Variants in MBD5 observed in about 807,000 individuals in gnomAD.
MBD5 encodes the protein methyl-CpG binding domain protein 5.
A neutral mutation model predicts 117.3 loss-of-function variants in MBD5; 13 were observed. The ratio of observed to expected loss-of-function variants is 0.11; its 90% CI spans 0.07 to 0.18. The LOEUF is 0.18. Among genes scored for constraint, MBD5 ranks in the 10% least tolerant of loss-of-function variants. The probability of loss-of-function intolerance (pLI) is 1.00; values close to 1 mark genes in which losing one functional copy is unlikely to be tolerated. For missense variants in MBD5, 1,879 were observed against 2,093.8 expected (o/e 0.90, Z 2.00); for synonymous variants, 727 against 766.4 (o/e 0.95, Z 0.85).
rs771213286 is a variant in MBD5 at position 148,468,967 on chromosome 2, C to T, written c.1024C>T (p.Pro342Ser). 6.8e-6 allele frequency: 11 copies of T among 1,613,826 alleles called. No homozygotes were observed. Among genetic ancestry groups the T allele is most frequent in the South Asian group, 5.5e-5 (5 of 91,080 alleles). Reference sequence around the variant, plus strand: ...CCAAGGCCCACCTCCCCCTCCTCCACCTTCTTGTGCTCTTCAGAAAAAGCC... The same window carrying T: ...CCAAGGCCCACCTCCCCCTCCTCCATCTTCTTGTGCTCTTCAGAAAAAGCC... Reference protein sequence around the residue: ...PPQGPPPPPPPSCALQKKPLT... With the variant: ...PPQGPPPPPPSSCALQKKPLT... The change falls in exon 8 of 14, where the codon CCT (proline) becomes TCT (serine). Residue 342 changes from proline to serine, a missense_variant. Pro to Ser is a moderately conservative substitution (Grantham distance 74). Transcript: ENST00000642680.
chr2:148,358,819 T>C (rs1174092759), intron 4 of MBD5, among the ~76,000 whole-genome samples: 1 of 151,948 alleles, frequency 6.6e-6, no homozygotes, highest in Admixed American at 6.6e-5. Flanking sequence ...AAATATAATT[T>C]ATTCTCCAGG....
At chr2:148,183,522 TA>T (rs34261911) in intron 2 of MBD5, among the ~76,000 whole-genome samples, 5 of 150,210 alleles carry the variant, frequency 3.3e-5, no homozygotes, top group African/African-American at 4.9e-5. Flanking sequence ...CTTTTATTAC[TA>T]AAAAAAAAAT....
chr2:148,330,545 C>G (rs956357473), intron 3 of MBD5: 6 of 152,114 alleles, frequency 3.9e-5, no homozygotes, highest in Admixed American at 1.3e-4. Context: ...ATTACAAATC[C>G]TGCTATAGAT....
At chr2:148,409,536 T>G (rs1705191737) in intron 4 of MBD5, among the ~76,000 whole-genome samples, 1 of 152,284 alleles carries the variant, frequency 6.6e-6, no homozygotes. Context: ...AGCTCTGAAG[T>G]GTTTTCTAAA....
chr2:148,119,097 G>T (rs1696705685), intron 1 of MBD5, among the ~76,000 whole-genome samples: 2 of 152,096 alleles, frequency 1.3e-5, no homozygotes, highest in Admixed American at 6.6e-5. Flanking sequence ...AACTTCTAAA[G>T]TATTTTTAAA....
rs558752560 is a variant in MBD5 at position 148,472,331 on chromosome 2, A to G, written c.2518+1870A>G. ...AAATAGCTAAAAAGGATAAGGATAC[A>G]TGTCTAGAAATGATATGAATATGAC... On this transcript the variant is annotated intron_variant, in intron 8 of 13. Coordinates refer to ENST00000642680, the MANE Select transcript of MBD5 (RefSeq NM_001378120.1). 8 of 152,266 alleles carry G rather than the reference A, an allele frequency of 5.3e-5. No individual in the cohort carries two copies. In the East Asian group the frequency reaches 1.5e-3, roughly 29 times the overall value. 9.4% of individuals were successfully genotyped at this position (152,266 alleles called of 1,614,324 possible).
At chr2:148,323,822 G>A (rs1309309863) in intron 3 of MBD5, among the ~76,000 whole-genome samples, 3 of 152,202 alleles carry the variant, frequency 2.0e-5, no homozygotes, top group South Asian at 4.2e-4. Context: ...AGTTTATTTT[G>A]CTGTGCAGAA....
chr2:148,494,752 G>C (rs1559101979), intron 11 of MBD5, among the ~76,000 whole-genome samples: 1 of 152,144 alleles, frequency 6.6e-6, no homozygotes, highest in African/African-American at 2.4e-5. Flanking sequence ...ACGAGGTCAG[G>C]AGATCCAGAC....
chr2:148,393,525 A>G (rs1329787570), intron 4 of MBD5: 1 of 152,160 alleles, frequency 6.6e-6, no homozygotes, highest in East Asian at 1.9e-4. Context: ...CCATACTAAG[A>G]AACAGATTGT....
chr2:148,116,829 A>ATAGTATTGTTTG (rs1696651783), intron 1 of MBD5, among the ~76,000 whole-genome samples: 1 of 152,096 alleles, frequency 6.6e-6, no homozygotes, highest in African/African-American at 2.4e-5. Context: ...GTCTCCACTA[A>ATAGTATTGTTTG]TAGTATTGTT....
intron 4 of MBD5, among the ~76,000 whole-genome samples, chr2:148,384,979 T>C (rs1704299805): frequency 6.6e-6 from 1 of 152,220 alleles, no homozygotes; most frequent in Non-Finnish European, 1.5e-5. Flanking sequence ...GATTAAAGGC[T>C]TACATGTTAG....
chr2:148,178,670 T>C (rs1698444432), intron 1 of MBD5, 30 bp from the exon 2 acceptor site: 1 of 397,872 alleles, frequency 2.5e-6, no homozygotes, highest in East Asian at 3.6e-5. Context: ...AATCTCAAAT[T>C]CATTATATTT....
At chr2:148,080,055 C>T (rs184588611) in intron 1 of MBD5, among the ~76,000 whole-genome samples, 16 of 152,150 alleles carry the variant, frequency 1.1e-4, no homozygotes, top group African/African-American at 3.6e-4. Context: ...ATTATTAAAA[C>T]AAAACAAAAT....
At chr2:148,251,971 A>G (rs13399551) in intron 3 of MBD5, among the ~76,000 whole-genome samples, 1,959 of 152,276 alleles carry the variant, frequency 0.013, 37 homozygotes, top group African/African-American at 0.044. Flanking sequence ...TTCTCAGCCA[A>G]GTGTGGTAAA....
At chr2:148,035,348 T>C (rs771125380) in intron 1 of MBD5, among the ~76,000 whole-genome samples, 41 of 152,160 alleles carry the variant, frequency 2.7e-4, no homozygotes, top group Admixed American at 2.0e-4. Flanking sequence ...ATAATCTGTA[T>C]GTTATGCGTT....
intron 4 of MBD5, among the ~76,000 whole-genome samples, chr2:148,433,626 A>C (rs1217482951): frequency 1.3e-5 from 2 of 152,052 alleles, no homozygotes; most frequent in Non-Finnish European, 2.9e-5. Flanking sequence ...TTTTGTATTT[A>C]GTTCTGTTTA....
intron 1 of MBD5, among the ~76,000 whole-genome samples, chr2:148,059,495 TA>T (rs1694967929): frequency 5.9e-5 from 9 of 152,202 alleles, no homozygotes; most frequent in Admixed American, 5.9e-4. Flanking sequence ...CTAGCATAAT[TA>T]AAATGTTATT....
chr2:148,209,111 A>C (rs186399426), intron 2 of MBD5, among the ~76,000 whole-genome samples: 4 of 152,310 alleles, frequency 2.6e-5, no homozygotes, highest in Admixed American at 6.5e-5. Context: ...TTTAAATTAC[A>C]TTCTAAAACT....
At chr2:148,244,707 C>T (rs1209318223) in intron 3 of MBD5, among the ~76,000 whole-genome samples, 2 of 152,098 alleles carry the variant, frequency 1.3e-5, no homozygotes, top group African/African-American at 4.8e-5. Context: ...GAAGTCTCTG[C>T]CCTCAAAAAG....
Sources: gnomAD v4.1 joint callset for allele counts (sites outside exome capture counted in the v4.1 genomes callset) on GRCh38, gnomAD v4.1.1 for gene constraint, MANE v1.5 for transcripts, NCBI Gene and HGNC (gene_info 2026-07-23, HGNC 2026-07-21) for gene names.